ACVR1: variants seen among roughly 807,000 people sequenced by gnomAD.
The protein encoded by ACVR1 is activin receptor type-1.
In ACVR1, 38 loss-of-function variants were observed where a neutral mutation model predicts 57.1. The observed-to-expected ratio is 0.67, with a 90% CI of 0.51 to 0.87. ACVR1 has a LOEUF of 0.87. Ranked by LOEUF, ACVR1 falls within the 40% of genes least tolerant of loss-of-function variation. ACVR1 has a pLI of 0.00. For missense variants in ACVR1, 463 were observed against 638.2 expected (o/e 0.73, Z 2.96); for synonymous variants, 212 against 228.1 (o/e 0.93, Z 0.63).
At chr2:157,800,876 T>C (rs1323880365) in intron 2 of ACVR1, among the ~76,000 whole-genome samples, 1 of 152,042 alleles carries the variant, frequency 6.6e-6, no homozygotes. Flanking sequence ...CTGCTTGAAC[T>C]GCCCTGAGCC....
intron 9 of ACVR1, among the ~76,000 whole-genome samples, chr2:157,752,533 G>A (rs975001614): frequency 1.3e-5 from 2 of 152,142 alleles, no homozygotes; most frequent in African/African-American, 4.8e-5. Context: ...CCAGAGAAAG[G>A]TGAAGTCCAA....
rs1376762851 is a variant in ACVR1 at position 157,778,113 on chromosome 2, T to C, written c.543+18A>G. 1 of 1,612,856 alleles carries C rather than the reference T, an allele frequency of 6.2e-7. No individual in the cohort carries two copies. The highest frequency in any genetic ancestry group is 1.1e-5 in the South Asian group (1 of 91,014). Reference sequence around the variant, plus strand: ...CACCTTCCTTATGCTTGGGATTTCCTGTGGGGTCATGACTTACTGCTAAAG... The same window carrying C: ...CACCTTCCTTATGCTTGGGATTTCCCGTGGGGTCATGACTTACTGCTAAAG... On this transcript the variant is annotated intron_variant, in intron 5 of 10. Transcript: ENST00000434821.
intron 1 of ACVR1, among the ~76,000 whole-genome samples, chr2:157,836,779 T>C (rs1688797055): frequency 6.6e-6 from 1 of 152,198 alleles, no homozygotes; most frequent in Non-Finnish European, 1.5e-5. Context: ...TCTCTCCTCC[T>C]CTGTGAAGCC....
chr2:157,793,369 G>T (rs74867414), intron 3 of ACVR1, among the ~76,000 whole-genome samples: 2,445 of 151,886 alleles, frequency 0.016, 83 homozygotes, highest in African/African-American at 0.055. Context: ...AAACAAGAAA[G>T]AAAAGAATGT....
At chr2:157,748,087 A>C (rs982270711) in intron 9 of ACVR1, among the ~76,000 whole-genome samples, 1 of 152,180 alleles carries the variant, frequency 6.6e-6, no homozygotes, top group Non-Finnish European at 1.5e-5. Flanking sequence ...ACTACCAAGC[A>C]AGCCACCATT....
At chr2:157,874,380 GGAT>G (rs1690209806) in intron 1 of ACVR1, among the ~76,000 whole-genome samples, 1 of 152,220 alleles carries the variant, frequency 6.6e-6, no homozygotes, top group Admixed American at 6.5e-5. Flanking sequence ...TCAGTGAAAT[GGAT>G]GAGGCCCATA....
At chr2:157,767,866 A>G (rs528398234) in intron 7 of ACVR1, among the ~76,000 whole-genome samples, 27 of 152,110 alleles carry the variant, frequency 1.8e-4, no homozygotes, top group African/African-American at 6.5e-4. Flanking sequence ...CTATTTGATC[A>G]TCATCATCAT....
At position 157,819,462 on chromosome 2, in the gene ACVR1, C is replaced by T. The variant is rs1050928394; in HGVS notation, c.-182-903G>A. 3 of 150,298 alleles carry T rather than the reference C, an allele frequency of 2.0e-5. No homozygotes were observed. In the Admixed American group the frequency reaches 2.0e-4, roughly 10 times the overall value. The allele number at this position is 150,298 out of a possible 1,614,324, so 9.3% of individuals were successfully genotyped here. A position where few individuals can be genotyped will look rare whatever the true frequency, so the allele number is the denominator to read the frequency against. ...GGTGAGCCGAGATCACGCCATTCCA[C>T]TCCAGCCTGGACAACAAGAGCGAAA... On this transcript the variant is annotated intron_variant, in intron 1 of 10. Transcript: ENST00000434821.
At chr2:157,812,509 C>A (rs1687785118) in intron 2 of ACVR1, among the ~76,000 whole-genome samples, 1 of 151,898 alleles carries the variant, frequency 6.6e-6, no homozygotes, top group South Asian at 2.1e-4. Flanking sequence ...AAAAAATTCA[C>A]CTTGTAATTA....
intron 9 of ACVR1, among the ~76,000 whole-genome samples, chr2:157,759,061 G>T (rs1685542049): frequency 6.6e-6 from 1 of 151,706 alleles, no homozygotes; most frequent in African/African-American, 2.4e-5. Flanking sequence ...TCCAAATAAA[G>T]AATCTAAAGA....
In ACVR1 at chr2:157,795,333, A is replaced by G. The variant is rs190641402; in HGVS notation, c.67+4094T>C. On this transcript the variant is annotated intron_variant, in intron 3 of 10. Transcript: ENST00000434821. ...TAAATAGGGTTTCTCTTTGGTTTTT[A>G]AAATTTTCCTACTAAATATATAAAA... is the stretch of plus-strand genomic sequence containing the variant. Among the ~76,000 whole-genome samples, 630 of 151,196 alleles carry G rather than the reference A, an allele frequency of 4.2e-3. 3 individuals are homozygous for G. Among genetic ancestry groups the G allele is most frequent in the Middle Eastern group, 6.8e-3 (2 of 294 alleles).
At chr2:157,829,512 T>C (rs1559082228) in intron 1 of ACVR1, among the ~76,000 whole-genome samples, 2 of 152,188 alleles carry the variant, frequency 1.3e-5, no homozygotes, top group Non-Finnish European at 2.9e-5. Flanking sequence ...ATGGTTCTCC[T>C]AGCTGGTGTA....
At chr2:157,804,571 T>C (rs1014430610) in intron 2 of ACVR1, among the ~76,000 whole-genome samples, 5 of 152,134 alleles carry the variant, frequency 3.3e-5, no homozygotes, top group African/African-American at 1.2e-4. Context: ...GGGTTCAGAG[T>C]ATGAATCCGT....
At chr2:157,865,075 C>A (rs1689865514) in intron 1 of ACVR1, among the ~76,000 whole-genome samples, 2 of 131,212 alleles carry the variant, frequency 1.5e-5, no homozygotes, top group East Asian at 2.2e-4. Context: ...GCCCAGAGTT[C>A]TTTATAGACT....
Position 157,737,120 on chromosome 2 carries a change from G to T in ACVR1, c.*411C>A. The T allele has an allele frequency of 3.2e-6, 1 of 314,000 alleles. No individual in the cohort carries two copies. Among genetic ancestry groups the T allele is most frequent in the Non-Finnish European group, 5.9e-6 (1 of 168,322 alleles). The allele number at this position is 314,000 out of a possible 1,614,324, so 19.5% of individuals were successfully genotyped here. A position where few individuals can be genotyped will look rare whatever the true frequency, so the allele number is the denominator to read the frequency against. ...AAAGAATTCCTAGTGCAATAAAGAA[G>T]AGAAGCACAGGCAATATTGCTGATT... On this transcript the variant is annotated 3_prime_UTR_variant, in exon 11 of 11. Coordinates refer to ENST00000434821, the MANE Select transcript of ACVR1 (RefSeq NM_001111067.4).
chr2:157,738,517 T>C lies in ACVR1; in HGVS notation c.1318A>G (p.Ser440Gly), dbSNP rs745343863. Residue 440 changes from serine to glycine, a missense_variant, in exon 10 of 11, where the codon AGT becomes GGT. Physicochemically the swap from Ser to Gly is moderately conservative, Grantham distance 56. This residue lies in a region of ACVR1 where 146 missense variants were observed against 186.6 expected (regional missense o/e 0.78). Coordinates refer to ENST00000434821, the MANE Select transcript of ACVR1 (RefSeq NM_001111067.4). Reference protein sequence around the residue: ...PFYDVVPNDPSFEDMRKVVCV... With the variant: ...PFYDVVPNDPGFEDMRKVVCV... ...ACTACCTTCCTCATATCTTCAAAAC[T>C]TGGGTCATTGGGAACCACATCGTAG... 2.1e-5 allele frequency: 34 copies of C among 1,614,030 alleles called. No homozygotes were observed. The highest frequency in any genetic ancestry group is 2.8e-5 in the Non-Finnish European group (33 of 1,180,004).
intron 1 of ACVR1, among the ~76,000 whole-genome samples, chr2:157,849,974 T>C (rs1689241695): frequency 6.6e-6 from 1 of 152,174 alleles, no homozygotes; most frequent in Non-Finnish European, 1.5e-5. Context: ...TAGAGAATCT[T>C]AAAAGATGCG....
intron 2 of ACVR1, among the ~76,000 whole-genome samples, chr2:157,815,815 A>G (rs560620687): frequency 9.2e-5 from 14 of 152,362 alleles, no homozygotes; most frequent in Non-Finnish European, 2.1e-4. Flanking sequence ...CCTTGGCAGC[A>G]GCCCCAAGCC....
chr2:157,770,700 A>G (rs1361019939), intron 6 of ACVR1, among the ~76,000 whole-genome samples, 186 bp from the exon 7 acceptor site: 1 of 152,186 alleles, frequency 6.6e-6, no homozygotes, highest in Non-Finnish European at 1.5e-5. Flanking sequence ...ATAAAGACAT[A>G]CAAAAATAAG....
Sources: allele counts gnomAD v4.1 joint callset (sites outside exome capture counted in the v4.1 genomes callset), GRCh38; gene constraint gnomAD v4.1.1; regional missense constraint gnomAD v4.1.1; transcripts MANE v1.5; gene names NCBI Gene and HGNC (gene_info 2026-07-23, HGNC 2026-07-21).